Variants in AUTS2 observed in about 807,000 individuals in gnomAD.
AUTS2 encodes activator of transcription and developmental regulator AUTS2.
AUTS2 carries 17 observed loss-of-function variants against 112.4 expected under a neutral mutation model. The observed-to-expected ratio is 0.15, with a 90% CI of 0.10 to 0.23. The LOEUF is 0.23. AUTS2 is among the 10% of genes least tolerant of loss of function. AUTS2 has a pLI of 1.00. For missense variants in AUTS2, 1,510 were observed against 1,701.6 expected, an observed-to-expected ratio of 0.89 and a Z score of 1.98; for synonymous variants, 751 against 702.7, an observed-to-expected ratio of 1.07 and a Z score of -1.09.
At chr7:69,861,515 C>T (rs948007321) in intron 1 of AUTS2, among the ~76,000 whole-genome samples, 1 of 151,890 alleles carries the variant, frequency 6.6e-6, no homozygotes, top group African/African-American at 2.4e-5. Flanking sequence ...TAATGTCAGC[C>T]GATAAAGGAT....
intron 1 of AUTS2, among the ~76,000 whole-genome samples, chr7:69,667,350 GTTTTTTT>G (rs58991076): frequency 2.2e-5 from 3 of 134,436 alleles, no homozygotes; most frequent in African/African-American, 8.7e-5. Context: ...GTTTTGTTGT[GTTTTTTT>G]TTTTTTTTTT....
intron 1 of AUTS2, among the ~76,000 whole-genome samples, chr7:69,841,941 A>T (rs976522929): frequency 1.3e-5 from 2 of 152,222 alleles, no homozygotes; most frequent in Non-Finnish European, 2.9e-5. Context: ...ATTCACTTTC[A>T]CATGGTTCCA....
At chr7:70,061,740 C>G (rs1215375621) in intron 2 of AUTS2, among the ~76,000 whole-genome samples, 1 of 151,228 alleles carries the variant, frequency 6.6e-6, no homozygotes, top group African/African-American at 2.4e-5. Flanking sequence ...GTGAACTTAA[C>G]TTGGGGCAGG....
At chr7:69,681,129 C>T (rs1188985421) in intron 1 of AUTS2, among the ~76,000 whole-genome samples, 3 of 152,186 alleles carry the variant, frequency 2.0e-5, no homozygotes, top group Non-Finnish European at 2.9e-5. Flanking sequence ...AATGTATATA[C>T]CACATTTGTT....
intron 1 of AUTS2, among the ~76,000 whole-genome samples, chr7:69,876,752 T>C (rs1221290422): frequency 6.6e-6 from 1 of 151,724 alleles, no homozygotes; most frequent in African/African-American, 2.4e-5. Context: ...TTTAGACCCT[T>C]TTCCAGTACA....
At chr7:70,154,916 C>A (rs1401167207) in intron 4 of AUTS2, among the ~76,000 whole-genome samples, 1 of 152,038 alleles carries the variant, frequency 6.6e-6, no homozygotes, top group Non-Finnish European at 1.5e-5. Flanking sequence ...ATTGTAGCAT[C>A]ATATGTTTGA....
chr7:70,370,065 C>G (rs1792769376), intron 4 of AUTS2, among the ~76,000 whole-genome samples: 1 of 152,184 alleles, frequency 6.6e-6, no homozygotes, highest in South Asian at 2.1e-4. Context: ...CCAAGTCAGA[C>G]ATAACCCTGC....
intron 5 of AUTS2, among the ~76,000 whole-genome samples, chr7:70,649,775 G>A (rs775099969): frequency 3.3e-5 from 5 of 151,996 alleles, no homozygotes; most frequent in African/African-American, 4.8e-5. Flanking sequence ...TGATTCACCC[G>A]CCTCGGTGTC....
intron 5 of AUTS2, among the ~76,000 whole-genome samples, chr7:70,541,948 A>G (rs1800569987): frequency 6.6e-6 from 1 of 152,216 alleles, no homozygotes; most frequent in African/African-American, 2.4e-5. Flanking sequence ...CCTGATCCTC[A>G]TCAGTGGCTG....
At position 70,777,159 on chromosome 7, in the gene AUTS2, C is replaced by T; in HGVS notation, c.1989C>T (p.His663=). The part of the protein sequence containing the change: ...HVHIAWQIYH[H]QQKVKKQMQS... The stretch of plus-strand genomic sequence containing the variant: ...ACATCGCCTGGCAGATTTACCACCA[C>T]CAACAGAAAGTCAAGGTCAGTCCGA... The change falls in exon 14 of 19, where the codon CAC becomes CAT. Residue 663 remains histidine (H), a synonymous_variant. Transcript: ENST00000342771. 1 of 1,614,030 alleles carries T rather than the reference C, an allele frequency of 6.2e-7. No individual in the cohort carries two copies. The highest frequency in any genetic ancestry group is 8.5e-7 in the Non-Finnish European group (1 of 1,180,002).
chr7:69,803,939 G>T (rs1176380281), intron 1 of AUTS2, among the ~76,000 whole-genome samples: 1 of 152,114 alleles, frequency 6.6e-6, no homozygotes, highest in Non-Finnish European at 1.5e-5. Flanking sequence ...GGCTGAGGTG[G>T]GAGGATCATT....
Position 70,766,442 on chromosome 7 carries a change from C to A in AUTS2, c.1689+108C>A. 1 of 1,378,172 alleles carries A rather than the reference C, an allele frequency of 7.3e-7. No homozygotes were observed. The highest frequency in any genetic ancestry group is 1.0e-6 in the Non-Finnish European group (1 of 995,800). 85.4% of individuals were successfully genotyped at this position (1,378,172 alleles called of 1,614,324 possible). On this transcript the variant is annotated intron_variant, in intron 9 of 18. Transcript: ENST00000342771. This position sits in a 1 kb window ranked among gnomAD's most constrained non-coding sequence, Gnocchi z 4.8. ...GGGGCCACCAGAGATCGAATGGGGA[C>A]TGACGGCTGTTGGCTGGAGAGAAGG... is the stretch of plus-strand genomic sequence containing the variant.
chr7:70,103,257 G>T (rs890322755), intron 2 of AUTS2, among the ~76,000 whole-genome samples: 1 of 152,142 alleles, frequency 6.6e-6, no homozygotes, highest in Non-Finnish European at 1.5e-5. Flanking sequence ...GAATAAAAAG[G>T]CCTGAATGTG....
intron 1 of AUTS2, among the ~76,000 whole-genome samples, chr7:69,615,024 T>G (rs1322323323): frequency 6.6e-6 from 1 of 152,252 alleles, no homozygotes; most frequent in Non-Finnish European, 1.5e-5. Context: ...GTCTAGGGCT[T>G]TAAAGGTGAT....
intron 3 of AUTS2, among the ~76,000 whole-genome samples, chr7:70,130,003 A>G (rs1228037895): frequency 6.6e-6 from 1 of 152,046 alleles, no homozygotes; most frequent in East Asian, 1.9e-4. Flanking sequence ...TTAAAACACT[A>G]CTGGAAGATC....
chr7:70,607,519 CT>C (rs1427723774), intron 5 of AUTS2, among the ~76,000 whole-genome samples: 1 of 152,104 alleles, frequency 6.6e-6, no homozygotes, highest in Admixed American at 6.6e-5. Flanking sequence ...GTCTGGGGAA[CT>C]TTGGGAGATT....
chr7:70,263,678 C>T (rs1787275739), intron 4 of AUTS2, among the ~76,000 whole-genome samples: 2 of 152,158 alleles, frequency 1.3e-5, no homozygotes, highest in Admixed American at 1.3e-4. Context: ...AAGATGTTTT[C>T]CATGTGAAGG....
chr7:69,943,234 C>T (rs1303276514), intron 2 of AUTS2, among the ~76,000 whole-genome samples: 1 of 152,200 alleles, frequency 6.6e-6, no homozygotes, highest in African/African-American at 2.4e-5. Context: ...ACCTTCCAAG[C>T]ACCTTGTAAG....
intron 2 of AUTS2, among the ~76,000 whole-genome samples, chr7:70,089,043 G>C (rs1318776486): frequency 6.6e-6 from 1 of 152,118 alleles, no homozygotes; most frequent in Admixed American, 6.5e-5. Context: ...AATATTCCAT[G>C]TGTGCTTGAA....
Sources: allele counts gnomAD v4.1 joint callset (sites outside exome capture counted in the v4.1 genomes callset), GRCh38; gene constraint gnomAD v4.1.1; non-coding constraint Gnocchi (gnomAD v3.1); transcripts MANE v1.5; gene names NCBI Gene and HGNC (gene_info 2026-07-23, HGNC 2026-07-21).